The following RCOR1 variants were observed in gnomAD, a reference collection of about 807,000 sequenced individuals.
The protein encoded by RCOR1 is REST corepressor 1.
In RCOR1, 12 loss-of-function variants were observed where a neutral mutation model predicts 64.0. That is an observed-to-expected ratio of 0.19 (90% CI 0.12 to 0.30). The LOEUF is 0.30. RCOR1 is among the 10% of genes least tolerant of loss of function. RCOR1 has a pLI of 1.00. For synonymous variants in RCOR1, 279 were observed against 227.2 expected, an observed-to-expected ratio of 1.23 and a Z score of -2.05; for missense variants, 502 against 621.2, an observed-to-expected ratio of 0.81 and a Z score of 2.04.
intron 3 of RCOR1, among the ~76,000 whole-genome samples, chr14:102,684,346 T>C (rs1319814598): frequency 6.6e-6 from 1 of 152,052 alleles, no homozygotes; most frequent in East Asian, 1.9e-4. Context: ...TTCAGGGAAA[T>C]CGAGTTGTTA....
At chr14:102,660,538 A>C (rs1474473495) in intron 2 of RCOR1, among the ~76,000 whole-genome samples, 1 of 152,076 alleles carries the variant, frequency 6.6e-6, no homozygotes, top group Non-Finnish European at 1.5e-5. Context: ...ACAGGAGTGC[A>C]ACACCATGCC....
intron 2 of RCOR1, among the ~76,000 whole-genome samples, chr14:102,623,566 G>A (rs1253913328): frequency 3.3e-5 from 5 of 151,272 alleles, no homozygotes; most frequent in Admixed American, 2.0e-4. Context: ...CCACCACCAC[G>A]CCTGGCTAAT....
At chr14:102,676,934 GCGGC>G (rs1895181292) in intron 2 of RCOR1, among the ~76,000 whole-genome samples, 2 of 111,644 alleles carry the variant, frequency 1.8e-5, no homozygotes, top group Admixed American at 7.8e-5. Flanking sequence ...CCCGGACGGG[GCGGC>G]TGGCCGGGCA....
chr14:102,691,319 G>GA (rs143388439), intron 3 of RCOR1, among the ~76,000 whole-genome samples: 70 of 152,062 alleles, frequency 4.6e-4, no homozygotes, highest in African/African-American at 2.9e-4. Context: ...CCTAGGATGG[G>GA]GAGAGGTGGG....
chr14:102,599,606 C>T (rs1240304898), intron 2 of RCOR1, among the ~76,000 whole-genome samples: 1 of 152,068 alleles, frequency 6.6e-6, no homozygotes, highest in East Asian at 1.9e-4. Context: ...TTGTGGTTGT[C>T]ATTGGCTTAA....
chr14:102,671,113 C>T (rs1895025816), intron 2 of RCOR1, among the ~76,000 whole-genome samples: 1 of 152,120 alleles, frequency 6.6e-6, no homozygotes, highest in South Asian at 2.1e-4. Flanking sequence ...GCATATTCAC[C>T]ATTTGTTTCA....
chr14:102,674,759 T>G (rs1895104399), intron 2 of RCOR1, among the ~76,000 whole-genome samples: 1 of 152,144 alleles, frequency 6.6e-6, no homozygotes, highest in South Asian at 2.1e-4. Flanking sequence ...GCTTATTTTT[T>G]AAGGTCTTTA....
intron 2 of RCOR1, among the ~76,000 whole-genome samples, chr14:102,638,992 G>A (rs929976807): frequency 6.6e-6 from 1 of 152,180 alleles, no homozygotes; most frequent in African/African-American, 2.4e-5. Flanking sequence ...AGTTTTGGAT[G>A]TAATTCTCTT....
At chr14:102,676,601 C>G (rs1325037494) in intron 2 of RCOR1, among the ~76,000 whole-genome samples, 897 of 88,276 alleles carry the variant, frequency 0.01, 11 homozygotes, top group African/African-American at 0.046. Context: ...CGCCCCTCAC[C>G]TCCCGGACGG....
At chr14:102,627,674 C>T (rs1357694788) in intron 2 of RCOR1, among the ~76,000 whole-genome samples, 3 of 151,078 alleles carry the variant, frequency 2.0e-5, no homozygotes, top group African/African-American at 7.3e-5. Context: ...AAAAAAAACA[C>T]ACACACACAC....
intron 2 of RCOR1, chr14:102,629,879 T>C (rs950986422): frequency 1.4e-5 from 4 of 279,288 alleles, no homozygotes; most frequent in Non-Finnish European, 2.2e-5. Context: ...TTTAGAGAGC[T>C]TAAACGTCTT....
intron 3 of RCOR1, among the ~76,000 whole-genome samples, chr14:102,682,574 C>T (rs1021630773): frequency 3.3e-5 from 5 of 152,184 alleles, no homozygotes; most frequent in Non-Finnish European, 5.9e-5. Context: ...ATCGTATCTC[C>T]TTTACTGTCT....
At chr14:102,628,694 C>T (rs991598987) in intron 2 of RCOR1, among the ~76,000 whole-genome samples, 2 of 152,170 alleles carry the variant, frequency 1.3e-5, no homozygotes, top group African/African-American at 2.4e-5. Context: ...GGTGGGATTA[C>T]AGGCACCCAC....
At chr14:102,653,174 G>A (rs1894627146) in intron 2 of RCOR1, among the ~76,000 whole-genome samples, 1 of 151,922 alleles carries the variant, frequency 6.6e-6, no homozygotes, top group Non-Finnish European at 1.5e-5. Context: ...TTCCTGCCTC[G>A]GCCTCCCAAA....
intron 2 of RCOR1, among the ~76,000 whole-genome samples, chr14:102,675,925 A>G (rs1320851454): frequency 2.0e-5 from 3 of 152,110 alleles, no homozygotes; most frequent in Non-Finnish European, 4.4e-5. Flanking sequence ...AGGTTGTTGA[A>G]TATATTAGTA....
intron 2 of RCOR1, chr14:102,658,664 C>T (rs1894773342): frequency 2.4e-5 from 23 of 973,554 alleles, no homozygotes; most frequent in Non-Finnish European, 2.7e-5. Context: ...GTGTGCTTGT[C>T]AATACCCAGA....
chr14:102,625,486 C>T lies in RCOR1; in HGVS notation c.361+32161C>T, dbSNP rs560776856. ...CTGACCTCAGGTAATCTCCCCGCTT[C>T]GGCCTCCCAAAGTGCTGGGATTACA... On this transcript the variant is annotated intron_variant, in intron 2 of 11. Coordinates refer to ENST00000262241, the MANE Select transcript of RCOR1 (RefSeq NM_015156.4). Among the ~76,000 whole-genome samples the T allele has an allele frequency of 2.6e-4, 39 of 150,224 alleles. 1 individual carries two copies. The South Asian group carries it at 3.6e-3, about 14-fold the overall frequency.
At chr14:102,658,553 CTT>C in intron 2 of RCOR1, 2 of 985,310 alleles carry the variant, frequency 2.0e-6, no homozygotes, top group African/African-American at 1.7e-5. Context: ...GAATGTGACT[CTT>C]TTCTCAGGAA....
Position 102,729,040 on chromosome 14 carries a change from C to T in RCOR1, c.*2534C>T, listed in dbSNP as rs1896321622. On this transcript the variant is annotated 3_prime_UTR_variant, in exon 12 of 12. Transcript: ENST00000262241. The stretch of plus-strand genomic sequence containing the variant: ...GGTAGGGTTTGGGGTGTGATAACTG[C>T]TTCAGATGGAATGTTCACTTAAGCT... 1 of 152,578 alleles carries T rather than the reference C, an allele frequency of 6.6e-6. No individual in the cohort carries two copies. Among genetic ancestry groups the T allele is most frequent in the Non-Finnish European group, 1.5e-5 (1 of 68,030 alleles). 9.5% of individuals were successfully genotyped at this position (152,578 alleles called of 1,614,324 possible). A position where few individuals can be genotyped will look rare whatever the true frequency, so the allele number is the denominator to read the frequency against.
Sources: gnomAD v4.1 joint callset for allele counts (sites outside exome capture counted in the v4.1 genomes callset) on GRCh38, gnomAD v4.1.1 for gene constraint, MANE v1.5 for transcripts, NCBI Gene and HGNC (gene_info 2026-07-23, HGNC 2026-07-21) for gene names.